The following DSCAM variants were observed in gnomAD, a reference collection of about 807,000 sequenced individuals.
The protein encoded by DSCAM is DS cell adhesion molecule, also known as cell adhesion molecule DSCAM.
Under a neutral mutation model 217.7 loss-of-function variants are expected in DSCAM, and 47 were observed. That is an observed-to-expected ratio of 0.22 (90% CI 0.17 to 0.28). The LOEUF is 0.28. Among genes scored for constraint, DSCAM ranks in the 10% least tolerant of loss-of-function variants. The pLI is 1.00. For missense variants in DSCAM, 2,080 were observed against 2,618.3 expected, an observed-to-expected ratio of 0.79 and a Z score of 4.49; for synonymous variants, 1,056 against 1,015.3, an observed-to-expected ratio of 1.04 and a Z score of -0.76.
rs190206679 is a variant in DSCAM at position 40,829,941 on chromosome 21, T to C, written c.43+16678A>G. ...AATTGTTCTCATATTGCCACATTTT[T>C]TCCCACATCTTCCTTCAGAAAAGCT... On this transcript the variant is annotated intron_variant, in intron 1 of 32. Transcript: ENST00000400454. Among the ~76,000 whole-genome samples, 254 of 152,324 alleles carry C rather than the reference T, an allele frequency of 1.7e-3. 2 individuals are homozygous for C. The highest frequency in any genetic ancestry group is 4.1e-4 in the South Asian group (2 of 4,832).
chr21:40,573,953 T>C (rs1055088026), intron 3 of DSCAM, among the ~76,000 whole-genome samples: 1 of 152,092 alleles, frequency 6.6e-6, no homozygotes, highest in African/African-American at 2.4e-5. Context: ...CTAAATAGCC[T>C]AATACCTGTT....
Position 40,844,983 on chromosome 21 carries a change from T to A in DSCAM, c.43+1636A>T, listed in dbSNP as rs116629268. On this transcript the variant is annotated intron_variant, in intron 1 of 32. Coordinates refer to ENST00000400454, the MANE Select transcript of DSCAM (RefSeq NM_001389.5). ...GGCGAAACAGGGTGTCAAGGCTCTGTGTCTTTGGAACACATGTGTAGGCAT... is the reference window on the plus strand; with the variant it reads ...GGCGAAACAGGGTGTCAAGGCTCTGAGTCTTTGGAACACATGTGTAGGCAT... 5.6e-3 allele frequency among the ~76,000 whole-genome samples: 846 copies of A among 152,264 alleles called. 11 individuals carry two copies. The highest frequency in any genetic ancestry group is 0.019 in the African/African-American group (810 of 41,542).
intron 1 of DSCAM, among the ~76,000 whole-genome samples, chr21:40,716,047 A>C (rs2090838591): frequency 6.6e-6 from 1 of 152,250 alleles, no homozygotes; most frequent in Non-Finnish European, 1.5e-5. Context: ...AAAAATGATA[A>C]ATAAATGTTT....
chr21:40,582,586 T>G (rs1048087024), intron 3 of DSCAM, among the ~76,000 whole-genome samples: 1 of 152,182 alleles, frequency 6.6e-6, no homozygotes, highest in African/African-American at 2.4e-5. Context: ...CAAGGAGAGA[T>G]AGCAAATTAG....
intron 3 of DSCAM, among the ~76,000 whole-genome samples, chr21:40,376,409 T>A (rs547135825): frequency 1.4e-5 from 2 of 146,368 alleles, no homozygotes; most frequent in African/African-American, 2.5e-5. Flanking sequence ...TATATCTATA[T>A]CATATATATC....
chr21:40,380,135 C>T (rs989755111), intron 3 of DSCAM, among the ~76,000 whole-genome samples: 5 of 152,174 alleles, frequency 3.3e-5, no homozygotes, highest in Admixed American at 6.5e-5. Flanking sequence ...TTAAATGAGG[C>T]TCAATTATAC....
chr21:40,383,879 C>A (rs2075052968), intron 3 of DSCAM: 1 of 152,118 alleles, frequency 6.6e-6, no homozygotes, highest in Admixed American at 6.6e-5. Flanking sequence ...TCAATGATTG[C>A]AGATATCATA....
chr21:40,669,163 A>G (rs927658530), intron 3 of DSCAM, among the ~76,000 whole-genome samples: 1 of 152,056 alleles, frequency 6.6e-6, no homozygotes, highest in Non-Finnish European at 1.5e-5. Context: ...TTATTTTGAG[A>G]CCCTAGACGA....
At chr21:40,349,006 G>A (rs571340367) in intron 5 of DSCAM, among the ~76,000 whole-genome samples, 7 of 151,296 alleles carry the variant, frequency 4.6e-5, no homozygotes, top group Non-Finnish European at 8.8e-5. Context: ...GCGTGGTGGC[G>A]GGCTCCTGTA....
intron 3 of DSCAM, among the ~76,000 whole-genome samples, chr21:40,378,863 G>A (rs974358335): frequency 6.6e-6 from 1 of 152,042 alleles, no homozygotes; most frequent in Admixed American, 6.5e-5. Flanking sequence ...AAAGTGCTGG[G>A]ATTACAGGCG....
chr21:40,644,509 CCTCAGCCTCTGGTCCA>C (rs1279458736), intron 3 of DSCAM, among the ~76,000 whole-genome samples: 1 of 152,182 alleles, frequency 6.6e-6, no homozygotes, highest in African/African-American at 2.4e-5. Flanking sequence ...GTAGTTTCCA[CCTCAGCCTCTGGTCCA>C]CTGTGGGCCA....
At chr21:40,644,538 T>C (rs2089920576) in intron 3 of DSCAM, among the ~76,000 whole-genome samples, 1 of 152,188 alleles carries the variant, frequency 6.6e-6, no homozygotes, top group African/African-American at 2.4e-5. Flanking sequence ...GTGGGCCAAG[T>C]CTTCACTTCA....
chr21:40,235,289 T>C (rs1016544867), intron 11 of DSCAM, among the ~76,000 whole-genome samples: 7 of 152,096 alleles, frequency 4.6e-5, no homozygotes, highest in African/African-American at 1.4e-4. Flanking sequence ...TGGTCCAGAG[T>C]AACCATCTGT....
chr21:40,371,867 C>T (rs1471520563), intron 3 of DSCAM, among the ~76,000 whole-genome samples: 2 of 152,158 alleles, frequency 1.3e-5, no homozygotes, highest in East Asian at 1.9e-4. Flanking sequence ...TGCTCAAGGT[C>T]ATTGCCAAGG....
intron 1 of DSCAM, among the ~76,000 whole-genome samples, chr21:40,770,025 C>T (rs973652994): frequency 2.6e-5 from 4 of 152,186 alleles, no homozygotes; most frequent in African/African-American, 9.7e-5. Context: ...GTCTCTATGG[C>T]TCTGAATAAA....
chr21:40,698,090 T>C (rs1568990545), intron 2 of DSCAM, among the ~76,000 whole-genome samples: 1 of 152,258 alleles, frequency 6.6e-6, no homozygotes, highest in Non-Finnish European at 1.5e-5. Flanking sequence ...AAGCATCTTA[T>C]AGTTATAAGA....
At chr21:40,646,051 C>T (rs895979544) in intron 3 of DSCAM, among the ~76,000 whole-genome samples, 6 of 151,792 alleles carry the variant, frequency 4.0e-5, no homozygotes, top group Admixed American at 6.6e-5. Flanking sequence ...AAGTTTGAGC[C>T]GATGAAGGGA....
rs186603269 is a variant in DSCAM, at chr21:40,376,580, T to G, written c.509-7335A>C. ...TATCTATATATCTTATATCGATATC[T>G]ATATATCTTATATCGATATCTATAT... On this transcript the variant is annotated intron_variant, in intron 3 of 32. Transcript: ENST00000400454. Among the ~76,000 whole-genome samples the G allele has an allele frequency of 9.4e-3, 698 of 74,082 alleles. 66 individuals are homozygous for G. Among genetic ancestry groups the G allele is most frequent in the African/African-American group, 0.024 (474 of 19,814 alleles). 48.6% of individuals were successfully genotyped at this position (74,082 alleles called of 152,430 possible).
At chr21:40,480,120 G>A (rs1049563594) in intron 3 of DSCAM, among the ~76,000 whole-genome samples, 2 of 152,218 alleles carry the variant, frequency 1.3e-5, no homozygotes, top group African/African-American at 4.8e-5. Context: ...AAATGAGGCA[G>A]AGGAAGGTCA....
Sources: allele counts gnomAD v4.1 joint callset (sites outside exome capture counted in the v4.1 genomes callset), GRCh38; gene constraint gnomAD v4.1.1; transcripts MANE v1.5; gene names NCBI Gene and HGNC (gene_info 2026-07-23, HGNC 2026-07-21).